The following MTCL1 variants were observed in gnomAD, a reference collection of about 807,000 sequenced individuals.
MTCL1 encodes the protein microtubule crosslinking factor 1.
MTCL1 carries 79 observed loss-of-function variants against 141.4 expected under a neutral mutation model. The ratio of observed to expected loss-of-function variants is 0.56; its 90% CI spans 0.47 to 0.67. The LOEUF is 0.67. MTCL1 is among the 30% of genes least tolerant of loss of function. The pLI, the probability that MTCL1 is intolerant of heterozygous loss-of-function variation, is 0.00. For missense variants in MTCL1, 2,177 were observed against 2,113.9 expected (o/e 1.03, Z -0.59); for synonymous variants, 914 against 875.8 (o/e 1.04, Z -0.77).
rs1255386710 is a variant in MTCL1, at chr18:8,828,935, TG to T, written c.4754del (p.Gly1585AspfsTer16). 1.2e-6 allele frequency: 2 copies of T among 1,614,242 alleles called. No individual in the cohort carries two copies. The highest frequency in any genetic ancestry group is 3.3e-5 in the Admixed American group (2 of 60,028). The stretch of plus-strand genomic sequence containing the variant: ...CCAAACTGTCTTGCTAACTGCCCCC[TG>T]GGGACTCTAGCCCTGCCCGCCTCAC... On this transcript the variant is annotated frameshift_variant, in exon 16 of 17. Transcript: ENST00000359865. LOFTEE classifies it high-confidence loss of function. The surrounding 1 kb of genome is among the most constrained non-coding windows in gnomAD (Gnocchi z 5.2).
At position 8,809,712 on chromosome 18, in the gene MTCL1, G is replaced by C. The variant is rs948572313; in HGVS notation, c.2604+2652G>C. 3.2e-6 allele frequency: 4 copies of C among 1,248,104 alleles called. No individual in the cohort carries two copies. The African/African-American group carries it at 6.0e-5, about 19-fold the overall frequency. The allele number at this position is 1,248,104 out of a possible 1,614,324, so 77.3% of individuals were successfully genotyped here. ...CAACAGGCACCTCGCACGGCTGTCA[G>C]GTTTCTAGTACGGGTGCCTGGGCGA... On this transcript the variant is annotated intron_variant, in intron 11 of 16. Transcript: ENST00000359865.
At position 8,828,083 on chromosome 18, in the gene MTCL1, A is replaced by G. The variant is rs2077081684; in HGVS notation, c.4723-825A>G. Among the ~76,000 whole-genome samples the G allele has an allele frequency of 6.6e-6, 1 of 152,018 alleles. No homozygotes were observed. Among genetic ancestry groups the G allele is most frequent in the Non-Finnish European group, 1.5e-5 (1 of 67,990 alleles). On this transcript the variant is annotated intron_variant, in intron 15 of 16. Coordinates refer to ENST00000359865, the Ensembl canonical transcript of MTCL1. The surrounding 1 kb of genome is among the most constrained non-coding windows in gnomAD (Gnocchi z 5.2). ...TTTCCTCGTTCTAGATTCCAGTGGG[A>G]TTGTTCTGAATTGATGTAATATATT...
At chr18:8,745,585 C>A (rs1259561376) in intron 4 of MTCL1, among the ~76,000 whole-genome samples, 2 of 152,138 alleles carry the variant, frequency 1.3e-5, no homozygotes, top group East Asian at 1.9e-4. Context: ...TTTGTTATTA[C>A]AAAACATGTG....
At position 8,825,342 on chromosome 18, in the gene MTCL1, A is replaced by T; in HGVS notation, c.3832A>T (p.Lys1278Ter). 1.9e-6 allele frequency: 3 copies of T among 1,538,526 alleles called. No homozygotes were observed. Among genetic ancestry groups the T allele is most frequent in the Non-Finnish European group, 2.6e-6 (3 of 1,142,458 alleles). ...CCCACTGCACAGCCTGGAGATGTCCAAGAACTTGAGTGATGACATGAAGGA... is the reference window on the plus strand; with the variant it reads ...CCCACTGCACAGCCTGGAGATGTCCTAGAACTTGAGTGATGACATGAAGGA... The change falls in exon 15 of 17, where the codon AAG (lysine) becomes TAG (stop). Residue 1278 changes from lysine (K) to a stop codon, truncating the protein, a stop_gained. Coordinates refer to ENST00000359865, the Ensembl canonical transcript of MTCL1. LOFTEE classifies it high-confidence loss of function.
chr18:8,731,124 A>C (rs1424341351), intron 4 of MTCL1, among the ~76,000 whole-genome samples: 1 of 152,134 alleles, frequency 6.6e-6, no homozygotes, highest in Non-Finnish European at 1.5e-5. Context: ...GGGCGCCTGT[A>C]GTCATAGCTA....
rs181755226 is a variant in MTCL1, at chr18:8,806,784, A to C, written c.2437-109A>C. On this transcript the variant is annotated intron_variant, in intron 10 of 16. Transcript: ENST00000359865. ...ACCCACCCTGCACCCACTGCCAACAACACCTGGGAAACAGCCCCCACACTA... is the reference window on the plus strand; with the variant it reads ...ACCCACCCTGCACCCACTGCCAACACCACCTGGGAAACAGCCCCCACACTA... 6.6e-4 allele frequency: 785 copies of C among 1,180,482 alleles called. 3 individuals are homozygous for C. In the African/African-American group the frequency reaches 0.011, roughly 17 times the overall value. 73.1% of individuals were successfully genotyped at this position (1,180,482 alleles called of 1,614,324 possible). A position where few individuals can be genotyped will look rare whatever the true frequency, so the allele number is the denominator to read the frequency against.
chr18:8,765,785 A>T (rs1475415834), intron 4 of MTCL1, among the ~76,000 whole-genome samples: 1 of 152,342 alleles, frequency 6.6e-6, no homozygotes, highest in African/African-American at 2.4e-5. Flanking sequence ...GATAGAACAG[A>T]AGTAGTCATG....
rs1462793882 is a variant in MTCL1, at chr18:8,822,452, C to T, written c.3188+954C>T. Among the ~76,000 whole-genome samples the T allele has an allele frequency of 5.9e-5, 9 of 152,188 alleles. No individual in the cohort carries two copies. The highest frequency in any genetic ancestry group is 1.9e-4 in the East Asian group (1 of 5,182). On this transcript the variant is annotated intron_variant, in intron 14 of 16. Transcript: ENST00000359865. This position sits in a 1 kb window ranked among gnomAD's most constrained non-coding sequence, Gnocchi z 4.6. Reference sequence around the variant, plus strand: ...GATTACAGGCAAACCCCACCATACCCGGCTAATTTTTGTCTTTTAATAGAA... The same window carrying T: ...GATTACAGGCAAACCCCACCATACCTGGCTAATTTTTGTCTTTTAATAGAA...
upstream of MTCL1, among the ~76,000 whole-genome samples, chr18:8,716,569 A>AT (rs138840096): frequency 0.011 from 1,180 of 103,852 alleles, 11 homozygotes; most frequent in African/African-American, 0.027. Flanking sequence ...CTTTTTGTTC[A>AT]TTTTTTTTTT....
At chr18:8,801,674 C>T (rs2076128969) in intron 10 of MTCL1, 1 of 152,234 alleles carries the variant, frequency 6.6e-6, no homozygotes, top group Non-Finnish European at 1.5e-5. Context: ...CGTAACTAAG[C>T]CTGGGACCTC....
At chr18:8,783,228 C>T (rs530137143) in intron 5 of MTCL1, among the ~76,000 whole-genome samples, 46 of 152,160 alleles carry the variant, frequency 3.0e-4, no homozygotes, top group African/African-American at 9.9e-4. Context: ...CCCTTCTTTG[C>T]CCATAACTTG....
intron 4 of MTCL1, among the ~76,000 whole-genome samples, chr18:8,753,405 G>A (rs1221420607): frequency 1.3e-5 from 2 of 152,242 alleles, no homozygotes; most frequent in Non-Finnish European, 2.9e-5. Flanking sequence ...TTCCGTGGAT[G>A]CTGGCAGAAG....
At chr18:8,789,661 GT>G in intron 7 of MTCL1, 4 of 985,384 alleles carry the variant, frequency 4.1e-6, no homozygotes, top group Non-Finnish European at 4.8e-6. Context: ...GGTGGTGGTG[GT>G]TTAGATAAGC....
chr18:8,825,254 CTA>C lies in MTCL1; in HGVS notation c.3746_3747del (p.Tyr1249CysfsTer9), dbSNP rs1239113695. On this transcript the variant is annotated frameshift_variant, in exon 15 of 17. Transcript: ENST00000359865. LOFTEE classifies it high-confidence loss of function. ...GCACCTCCCCCAGGCACTCCCGGGACTATGTGGAGGGGGCACGGCGCCCCCTT... is the reference window on the plus strand; with the variant it reads ...GCACCTCCCCCAGGCACTCCCGGGACTGTGGAGGGGGCACGGCGCCCCCTT... The C allele has an allele frequency of 2.5e-6, 4 of 1,590,370 alleles. No homozygotes were observed. Among genetic ancestry groups the C allele is most frequent in the Non-Finnish European group, 2.6e-6 (3 of 1,168,914 alleles).
chr18:8,804,986 CAAAA>C (rs11347124), intron 10 of MTCL1, among the ~76,000 whole-genome samples: 13 of 115,540 alleles, frequency 1.1e-4, no homozygotes, highest in Admixed American at 1.8e-4. Flanking sequence ...GACCTTGCCT[CAAAA>C]AAAAAAAAAA....
chr18:8,750,609 C>T (rs2096365951), intron 4 of MTCL1, among the ~76,000 whole-genome samples: 4 of 152,306 alleles, frequency 2.6e-5, no homozygotes, highest in African/African-American at 9.6e-5. Flanking sequence ...TGAATGCTAC[C>T]AGTTCTTCCT....
chr18:8,812,052 T>C (rs2076504783), intron 11 of MTCL1, among the ~76,000 whole-genome samples: 1 of 152,288 alleles, frequency 6.6e-6, no homozygotes, highest in Middle Eastern at 3.4e-3. Flanking sequence ...TCTGTGCCAT[T>C]GCTGTCATAG....
intron 8 of MTCL1, among the ~76,000 whole-genome samples, chr18:8,793,728 T>A (rs972651372): frequency 1.3e-5 from 2 of 152,246 alleles, no homozygotes; most frequent in Admixed American, 1.3e-4. Context: ...AACAGATCTC[T>A]AGGTTCAGAA....
At position 8,830,310 on chromosome 18, in the gene MTCL1, A is replaced by C. The variant is rs908717531; in HGVS notation, c.*19-1297A>C. ...GAAGCTTCTCCCTGTGGCCGTATGA[A>C]GTTCCAGCCACAAAAGCAGCAGGGA... On this transcript the variant is annotated intron_variant, in intron 16 of 16. Transcript: ENST00000359865. The surrounding 1 kb of genome is among the most constrained non-coding windows in gnomAD (Gnocchi z 6.4). 1.0e-6 allele frequency: 1 copy of C among 985,464 alleles called. No homozygotes were observed. The highest frequency in any genetic ancestry group is 1.2e-6 in the Non-Finnish European group (1 of 829,970). The allele number at this position is 985,464 out of a possible 1,614,324, so 61.0% of individuals were successfully genotyped here.
Sources: gnomAD v4.1 joint callset for allele counts (sites outside exome capture counted in the v4.1 genomes callset) on GRCh38, gnomAD v4.1.1 for gene constraint, Gnocchi (gnomAD v3.1) non-coding constraint, MANE v1.5 for transcripts, NCBI Gene and HGNC (gene_info 2026-07-23, HGNC 2026-07-21) for gene names.